ATP2B2: variants seen among roughly 807,000 people sequenced by gnomAD.
ATP2B2 encodes the protein ATPase plasma membrane Ca2+ transporting 2, also known as plasma membrane calcium-transporting ATPase 2.
Under a neutral mutation model 120.0 loss-of-function variants are expected in ATP2B2, and 15 were observed. That is an observed-to-expected ratio of 0.12 (90% CI 0.08 to 0.19). The LOEUF is 0.19. Ranked by LOEUF, ATP2B2 falls within the 10% of genes least tolerant of loss-of-function variation. The pLI is 1.00. For synonymous variants in ATP2B2, 694 were observed against 700.3 expected, an observed-to-expected ratio of 0.99 and a Z score of 0.14; for missense variants, 1,045 against 1,719.8, an observed-to-expected ratio of 0.61 and a Z score of 6.94.
intron 1 of ATP2B2, among the ~76,000 whole-genome samples, chr3:10,467,618 C>T (rs924170373): frequency 1.3e-5 from 2 of 152,208 alleles, no homozygotes; most frequent in East Asian, 1.9e-4. Context: ...TGGGTCAGGA[C>T]TCATCCCCTC....
At chr3:10,543,941 G>C (rs149631827) in intron 2 of ATP2B2, among the ~76,000 whole-genome samples, 4 of 152,056 alleles carry the variant, frequency 2.6e-5, no homozygotes, top group African/African-American at 9.7e-5. Context: ...GTTTCACCAC[G>C]TTGGCCAGGC....
intron 3 of ATP2B2, among the ~76,000 whole-genome samples, chr3:10,524,728 T>A (rs116135336): frequency 2.6e-5 from 4 of 152,174 alleles, no homozygotes; most frequent in African/African-American, 9.7e-5. Context: ...TTTCCCCATG[T>A]TGGGGCAAGG....
chr3:10,646,692 T>C (rs1394752351), intron 1 of ATP2B2, among the ~76,000 whole-genome samples: 2 of 152,070 alleles, frequency 1.3e-5, no homozygotes, highest in African/African-American at 2.4e-5. Flanking sequence ...CGTTACATAA[T>C]GGGAATGATC....
Position 10,535,918 on chromosome 3 carries a change from CT to C in ATP2B2, c.-414-1786del, listed in dbSNP as rs59876463. On this transcript the variant is annotated intron_variant, in intron 2 of 21. Coordinates refer to the ATP2B2 transcript ENST00000646379. ...GTATGGCAGTTGATTTTTCTTTTTT[CT>C]TTTTTTTTTAAGAAACTGTCAAACT... Among the ~76,000 whole-genome samples, 34 of 147,720 alleles carry C rather than the reference CT, an allele frequency of 2.3e-4. 1 individual carries two copies. Among genetic ancestry groups the C allele is most frequent in the Admixed American group, 1.4e-3 (21 of 14,872 alleles).
At chr3:10,517,211 G>A (rs990531159) in intron 3 of ATP2B2, among the ~76,000 whole-genome samples, 4 of 152,188 alleles carry the variant, frequency 2.6e-5, no homozygotes, top group African/African-American at 9.7e-5. Context: ...TAACCAGGTC[G>A]ACTGGGTCTA....
At chr3:10,591,974 G>A (rs1441657568) in intron 2 of ATP2B2, among the ~76,000 whole-genome samples, 1 of 152,224 alleles carries the variant, frequency 6.6e-6, no homozygotes, top group Non-Finnish European at 1.5e-5. Flanking sequence ...GAAGGTGGGT[G>A]TGCATGCAGA....
At chr3:10,649,992 G>A (rs975045586) in intron 1 of ATP2B2, among the ~76,000 whole-genome samples, 2 of 152,156 alleles carry the variant, frequency 1.3e-5, no homozygotes, top group African/African-American at 4.8e-5. Context: ...AATAAAGATC[G>A]GCAGCGTGAA....
In ATP2B2 at chr3:10,381,304, G is replaced by A. The variant is rs929257766; in HGVS notation, c.1001-2020C>T. 6.6e-5 allele frequency among the ~76,000 whole-genome samples: 10 copies of A among 152,172 alleles called. 1 individual carries two copies. Among genetic ancestry groups the A allele is most frequent in the African/African-American group, 2.2e-4 (9 of 41,440 alleles). ...GAAAAAAGCTTTTTAGAGTAAGCAG[G>A]AATGAATAACAACAATTATTTTTAT... On this transcript the variant is annotated intron_variant, in intron 8 of 22. Transcript: ENST00000360273.
chr3:10,408,760 G>A (rs149944176), intron 3 of ATP2B2, among the ~76,000 whole-genome samples: 29 of 152,110 alleles, frequency 1.9e-4, no homozygotes, highest in Admixed American at 5.2e-4. Flanking sequence ...GCACACATGA[G>A]GCGCTCGGTC....
intron 1 of ATP2B2, among the ~76,000 whole-genome samples, chr3:10,459,662 C>T (rs773260911): frequency 3.3e-5 from 5 of 152,240 alleles, no homozygotes; most frequent in Admixed American, 6.5e-5. Flanking sequence ...CTGTCTGCTC[C>T]GTCCCTGTGG....
intron 1 of ATP2B2, among the ~76,000 whole-genome samples, chr3:10,679,361 C>A (rs1033471066): frequency 6.6e-6 from 1 of 152,194 alleles, no homozygotes; most frequent in Non-Finnish European, 1.5e-5. Flanking sequence ...TATACACATC[C>A]ACCCTGTGCT....
intron 12 of ATP2B2, 99 bp downstream of exon 12, chr3:10,371,710 G>T: frequency 6.4e-7 from 1 of 1,570,872 alleles, no homozygotes; most frequent in Non-Finnish European, 8.7e-7. Flanking sequence ...ATATTAGCAG[G>T]ATTTGAGACT....
intron 8 of ATP2B2, among the ~76,000 whole-genome samples, chr3:10,384,544 CCTT>C (rs1205167109): frequency 5.3e-5 from 8 of 152,172 alleles, no homozygotes; most frequent in Non-Finnish European, 1.0e-4. Context: ...GAATGGAACT[CCTT>C]CTTGCTTGCG....
At chr3:10,399,893 C>A (rs1338338618) in intron 5 of ATP2B2, among the ~76,000 whole-genome samples, 1 of 152,250 alleles carries the variant, frequency 6.6e-6, no homozygotes, top group Non-Finnish European at 1.5e-5. Flanking sequence ...TCTCACAACA[C>A]CTTCCTCACA....
upstream of ATP2B2, among the ~76,000 whole-genome samples, chr3:10,506,703 G>T (rs1307286428): frequency 6.6e-6 from 1 of 152,134 alleles, no homozygotes; most frequent in Non-Finnish European, 1.5e-5. Context: ...TTCAGGACCA[G>T]TGTCTCAGGG....
At chr3:10,642,756 G>T (rs533764257) in intron 1 of ATP2B2, among the ~76,000 whole-genome samples, 1 of 152,078 alleles carries the variant, frequency 6.6e-6, no homozygotes, top group South Asian at 2.1e-4. Flanking sequence ...TGCCATGGTG[G>T]GCTGGATGTT....
chr3:10,544,675 C>T (rs541721232), intron 2 of ATP2B2, among the ~76,000 whole-genome samples: 1 of 152,274 alleles, frequency 6.6e-6, no homozygotes, highest in Non-Finnish European at 1.5e-5. Context: ...TGAAGGGGTG[C>T]ACAGAAGAGG....
chr3:10,339,016 G>C (rs2060204760), intron 21 of ATP2B2: 2 of 153,032 alleles, frequency 1.3e-5, no homozygotes, highest in South Asian at 4.1e-4. Context: ...CTACAGGAAA[G>C]CTGCGGTGGC....
In ATP2B2 at chr3:10,328,978, G is replaced by A; in HGVS notation, c.3568C>T (p.Leu1190=). Residue 1190 remains leucine, a synonymous_variant, in exon 23 of 23, where the codon CTG becomes TTG. Transcript: ENST00000360273. Reference sequence around the variant, plus strand: ...TGCTTGAGCGCGGCATCTTCTTCCAGGTCGGTGTCATCAATGAGGGGGATG... The same window carrying A: ...TGCTTGAGCGCGGCATCTTCTTCCAAGTCGGTGTCATCAATGAGGGGGATG... The part of the protein sequence containing the change: ...PHIPLIDDTD[L]EEDAALKQNS... 6.2e-7 allele frequency: 1 copy of A among 1,614,036 alleles called. No homozygotes were observed. Among genetic ancestry groups the A allele is most frequent in the South Asian group, 1.1e-5 (1 of 91,058 alleles).
Sources: gnomAD v4.1 joint callset for allele counts (sites outside exome capture counted in the v4.1 genomes callset) on GRCh38, gnomAD v4.1.1 for gene constraint, MANE v1.5 for transcripts, NCBI Gene and HGNC (gene_info 2026-07-23, HGNC 2026-07-21) for gene names.